The following SLC25A13 variants were observed in gnomAD, a reference collection of about 807,000 sequenced individuals.
SLC25A13 encodes solute carrier family 25 member 13, also known as electrogenic aspartate/glutamate antiporter SLC25A13, mitochondrial.
A neutral mutation model predicts 85.5 loss-of-function variants in SLC25A13; 70 were observed. That is an observed-to-expected ratio of 0.82 (90% CI 0.68 to 1.00). The LOEUF (loss-of-function observed/expected upper bound fraction) is 1.00. Ranked by LOEUF, SLC25A13 falls within the 50% of genes least tolerant of loss-of-function variation. The probability of loss-of-function intolerance (pLI) is 0.00; values close to 1 mark genes in which losing one functional copy is unlikely to be tolerated. For synonymous variants in SLC25A13, 259 were observed against 288.7 expected, an observed-to-expected ratio of 0.90 and a Z score of 1.04; for missense variants, 765 against 819.8, an observed-to-expected ratio of 0.93 and a Z score of 0.82.
intron 4 of SLC25A13, among the ~76,000 whole-genome samples, chr7:96,217,699 T>C (rs1795947499): frequency 6.6e-6 from 1 of 152,042 alleles, no homozygotes; most frequent in Non-Finnish European, 1.5e-5. Context: ...ACACAAAAAG[T>C]AGATTAACAA....
At chr7:96,162,504 C>T (rs1263184412) in intron 13 of SLC25A13, among the ~76,000 whole-genome samples, 1 of 152,104 alleles carries the variant, frequency 6.6e-6, no homozygotes, top group African/African-American at 2.4e-5. Flanking sequence ...TCAAGGCTGC[C>T]ATATGTATGG....
At chr7:96,293,229 T>C (rs560906086) in intron 2 of SLC25A13, among the ~76,000 whole-genome samples, 303 of 152,250 alleles carry the variant, frequency 2.0e-3, no homozygotes, top group African/African-American at 7.0e-3. Context: ...TAGCCATATG[T>C]AGAAAGTTGA....
chr7:96,124,692 T>A (rs1328504169), intron 15 of SLC25A13, among the ~76,000 whole-genome samples: 1 of 152,190 alleles, frequency 6.6e-6, no homozygotes, highest in African/African-American at 2.4e-5. Flanking sequence ...CTTTCAAAAC[T>A]CATCTTAAAG....
rs534379020 is a variant in SLC25A13 at position 96,220,833 on chromosome 7, G to GC, written c.329-11857dup. Among the ~76,000 whole-genome samples the GC allele has an allele frequency of 1.1e-4, 16 of 152,058 alleles. No homozygotes were observed. In the East Asian group the frequency reaches 2.9e-3, roughly 28 times the overall value. The stretch of plus-strand genomic sequence containing the variant: ...TGCACATGCACACACAGGGACAGCA[G>GC]CCCCCAGTCCAGTCTCTCCACTCCC... On this transcript the variant is annotated intron_variant, in intron 4 of 17. Coordinates refer to ENST00000265631, the MANE Select transcript of SLC25A13 (RefSeq NM_014251.3).
intron 4 of SLC25A13, among the ~76,000 whole-genome samples, chr7:96,212,065 T>C (rs1372949191): frequency 1.4e-5 from 2 of 146,596 alleles, no homozygotes; most frequent in East Asian, 4.1e-4. Context: ...GACCAAGCAG[T>C]GTAATGCAGG....
chr7:96,163,552 G>C (rs1457770285), intron 13 of SLC25A13, among the ~76,000 whole-genome samples: 1 of 152,196 alleles, frequency 6.6e-6, no homozygotes, highest in Non-Finnish European at 1.5e-5. Flanking sequence ...CAGATTATTT[G>C]TTATGCAGCA....
intron 4 of SLC25A13, chr7:96,219,657 A>T (rs774890706): frequency 3.7e-6 from 2 of 533,960 alleles, no homozygotes; most frequent in East Asian, 1.1e-4. Flanking sequence ...ACACCCAAAA[A>T]TTATGAATCA....
intron 3 of SLC25A13, among the ~76,000 whole-genome samples, chr7:96,260,863 C>T (rs1417867447): frequency 6.6e-6 from 1 of 152,118 alleles, no homozygotes; most frequent in Non-Finnish European, 1.5e-5. Flanking sequence ...ATCAGCCAGG[C>T]AAAACCTTTC....
Position 96,121,992 on chromosome 7 carries a change from G to A in SLC25A13, c.1597C>T (p.Pro533Ser), listed in dbSNP as rs1299204427. 1.2e-6 allele frequency: 2 copies of A among 1,614,088 alleles called. No homozygotes were observed. Among genetic ancestry groups the A allele is most frequent in the Admixed American group, 3.3e-5 (2 of 60,018 alleles). The change falls in exon 16 of 18, where the codon CCT (proline) becomes TCT (serine). Residue 533 changes from proline (P) to serine (S), a missense_variant. Pro to Ser is a moderately conservative substitution (Grantham distance 74). Transcript: ENST00000265631. ...LLLAGAIAGMPAASLVTPADV... is the reference protein window; with the variant it reads ...LLLAGAIAGMSAASLVTPADV... ...GCAGGGGTCACTAAAGATGCTGCAG[G>A]CATACCTGCAGGAGAGACACAACAC...
chr7:96,289,805 G>A (rs1402516737), intron 2 of SLC25A13, among the ~76,000 whole-genome samples: 1 of 152,144 alleles, frequency 6.6e-6, no homozygotes, highest in Non-Finnish European at 1.5e-5. Context: ...GAAAGTGATG[G>A]GGAGAATGAA....
rs562344853 is a variant in SLC25A13 at position 96,139,357 on chromosome 7, A to G, written c.1452+7199T>C. Among the ~76,000 whole-genome samples the G allele has an allele frequency of 8.5e-5, 13 of 152,264 alleles. No homozygotes were observed. In the East Asian group the frequency reaches 2.3e-3, roughly 27 times the overall value. On this transcript the variant is annotated intron_variant, in intron 14 of 17. Transcript: ENST00000265631. The stretch of plus-strand genomic sequence containing the variant: ...AACAAACCCGCACATGTTCCCTCCA[A>G]TGTAAAATAAAATTTGAAATTATTT...
chr7:96,130,812 C>T (rs1487776915), intron 15 of SLC25A13, among the ~76,000 whole-genome samples: 2 of 152,180 alleles, frequency 1.3e-5, no homozygotes, highest in Non-Finnish European at 2.9e-5. Context: ...ATACCAATAT[C>T]ACTGCCTTTG....
At chr7:96,251,588 G>C (rs1432101381) in intron 3 of SLC25A13, among the ~76,000 whole-genome samples, 1 of 152,160 alleles carries the variant, frequency 6.6e-6, no homozygotes, top group Admixed American at 6.5e-5. Context: ...ATTGGGTGTT[G>C]AATCACTCAG....
At chr7:96,306,579 T>G (rs1025331511) in intron 1 of SLC25A13, among the ~76,000 whole-genome samples, 1 of 152,126 alleles carries the variant, frequency 6.6e-6, no homozygotes, top group Non-Finnish European at 1.5e-5. Flanking sequence ...GTAGAGAGCC[T>G]TGGGCCTATG....
intron 4 of SLC25A13, among the ~76,000 whole-genome samples, chr7:96,222,456 T>C (rs6465494): frequency 0.36 from 54,448 of 152,002 alleles, 10,095 homozygotes; most frequent in East Asian, 0.59. Flanking sequence ...ATTTTGTTTA[T>C]TTATTTTTGA....
chr7:96,139,945 CTTTTTTTTTT>C (rs59749381), intron 14 of SLC25A13, among the ~76,000 whole-genome samples: 6 of 86,364 alleles, frequency 6.9e-5, no homozygotes, highest in African/African-American at 1.3e-4. Context: ...GATTTCCATT[CTTTTTTTTTT>C]TTTTTTTTTT....
chr7:96,232,609 TAA>T lies in SLC25A13; in HGVS notation c.328+2191_328+2192del, dbSNP rs1554361025. Among the ~76,000 whole-genome samples the T allele has an allele frequency of 4.2e-4, 52 of 123,204 alleles. No individual in the cohort carries two copies. The East Asian group carries it at 6.1e-3, about 14-fold the overall frequency. 80.8% of individuals were successfully genotyped at this position (123,204 alleles called of 152,430 possible). ...GAACTTACGTTAAAAAAAAAAAATT[TAA>T]AAAAATTTTAAAAAAAAGGGCTTCC... On this transcript the variant is annotated intron_variant, in intron 4 of 17. Coordinates refer to ENST00000265631, the MANE Select transcript of SLC25A13 (RefSeq NM_014251.3).
intron 1 of SLC25A13, among the ~76,000 whole-genome samples, chr7:96,298,214 G>A (rs946567795): frequency 9.2e-5 from 14 of 152,142 alleles, no homozygotes; most frequent in African/African-American, 3.4e-4. Flanking sequence ...AGGCTGTTCT[G>A]AGATCTTTGG....
At chr7:96,154,275 T>C (rs79984623) in intron 13 of SLC25A13, among the ~76,000 whole-genome samples, 37 of 150,898 alleles carry the variant, frequency 2.5e-4, no homozygotes, top group African/African-American at 8.5e-4. Flanking sequence ...ATACGTAGAG[T>C]CACAGAGTCA....
Sources: gnomAD v4.1 joint callset for allele counts (sites outside exome capture counted in the v4.1 genomes callset) on GRCh38, gnomAD v4.1.1 for gene constraint, MANE v1.5 for transcripts, NCBI Gene and HGNC (gene_info 2026-07-23, HGNC 2026-07-21) for gene names.